Variants in ENOSF1 observed in about 807,000 individuals in gnomAD.
The protein encoded by ENOSF1 is enolase superfamily member 1.
In ENOSF1, 73 loss-of-function variants were observed where a neutral mutation model predicts 68.2. The ratio of observed to expected loss-of-function variants is 1.07; its 90% CI spans 0.89 to 1.30. The LOEUF (loss-of-function observed/expected upper bound fraction) is 1.30, where lower values mean the gene tolerates loss of function less well. Ranked by LOEUF, ENOSF1 falls within the 50% of genes most tolerant of loss-of-function variation. The pLI, the probability that ENOSF1 is intolerant of heterozygous loss-of-function variation, is 0.00. For missense variants in ENOSF1, 589 were observed against 554.5 expected (o/e 1.06, Z -0.62); for synonymous variants, 223 against 210.4 (o/e 1.06, Z -0.52).
At chr18:697,409 T>A in intron 2 of ENOSF1, 54 bp from the exon 3 acceptor site, 1 of 1,285,014 alleles carries the variant, frequency 7.8e-7, no homozygotes, top group Non-Finnish European at 1.1e-6. Flanking sequence ...GTCAAGAAAT[T>A]AGCACCTGAA....
chr18:665,074 A>C, the ENOSF1 span, among the ~76,000 whole-genome samples: 2 of 152,008 alleles, frequency 1.3e-5, no homozygotes, highest in African/African-American at 4.8e-5. Context: ...TATTGATTGG[A>C]ATAGTTTCAG....
Position 671,443 on chromosome 18 carries a change from A to C in ENOSF1, c.*2862T>G, listed in dbSNP as rs2075045758. The C allele has an allele frequency of 6.2e-7, 1 of 1,608,426 alleles. No individual in the cohort carries two copies. The highest frequency in any genetic ancestry group is 2.2e-5 in the East Asian group (1 of 44,866). ...TTACCTGAATCACATCGAGCCACTG[A>C]AAATTCAGGTAAGAATTAGATGTTA... is the stretch of plus-strand genomic sequence containing the variant. On this transcript the variant is annotated 3_prime_UTR_variant, in exon 16 of 16. Coordinates refer to ENST00000647584, the MANE Select transcript of ENOSF1 (RefSeq NM_017512.7).
intron 1 of ENOSF1, among the ~76,000 whole-genome samples, chr18:708,027 T>C (rs1171823378): frequency 6.6e-6 from 1 of 151,118 alleles, no homozygotes; most frequent in Non-Finnish European, 1.5e-5. Context: ...GACCAGCTTT[T>C]TTTTTTTTTT....
downstream of ENOSF1, among the ~76,000 whole-genome samples, chr18:667,552 GAGA>G (rs2074878533): frequency 1.1e-5 from 1 of 91,008 alleles, no homozygotes; most frequent in Non-Finnish European, 2.0e-5. Context: ...GATGGTGATG[GAGA>G]TGGTGATGGT....
At chr18:693,111 G>A in intron 5 of ENOSF1, 2 of 1,288,912 alleles carry the variant, frequency 1.6e-6, no homozygotes, top group South Asian at 1.2e-5. Context: ...CTCTGCATGG[G>A]GTCTGAAGCT....
At chr18:680,219 G>A (rs189644677) in intron 11 of ENOSF1, among the ~76,000 whole-genome samples, 29 of 152,288 alleles carry the variant, frequency 1.9e-4, no homozygotes, top group Non-Finnish European at 2.2e-4. Flanking sequence ...GGCAAGCCCC[G>A]CCTGTGCCAC....
At chr18:665,137 C>A in the ENOSF1 span, among the ~76,000 whole-genome samples, 1 of 146,654 alleles carries the variant, frequency 6.8e-6, no homozygotes, top group Non-Finnish European at 1.5e-5. Context: ...GGCTGTGAAT[C>A]CATCTGGTCC....
intron 3 of ENOSF1, among the ~76,000 whole-genome samples, chr18:696,451 T>A (rs555565131): frequency 1.3e-5 from 2 of 152,074 alleles, no homozygotes; most frequent in African/African-American, 2.4e-5. Flanking sequence ...GACCTCGTGA[T>A]CTGCCTGCCT....
At chr18:678,405 C>T in intron 12 of ENOSF1, 2 of 468,130 alleles carry the variant, frequency 4.3e-6, no homozygotes. Flanking sequence ...TTTCTTAAGA[C>T]CATTTTCTGC....
chr18:675,090 A>C, intron 15 of ENOSF1, among the ~76,000 whole-genome samples: 1 of 152,202 alleles, frequency 6.6e-6, no homozygotes, highest in East Asian at 1.9e-4. Context: ...TAAGATCTCC[A>C]CTAGTGAGGA....
chr18:705,612 T>C (rs1049858423), intron 2 of ENOSF1, among the ~76,000 whole-genome samples: 6 of 152,136 alleles, frequency 3.9e-5, no homozygotes, highest in Non-Finnish European at 8.8e-5. Context: ...TCAGTATGCA[T>C]CTTAAAGAAT....
chr18:674,059 A>G lies in ENOSF1; in HGVS notation c.*246T>C. ...CAGCCCTTGATATAGCTATTTTTGTAAGAACATCCTCCTGGACTTTGGGTT... is the reference window on the plus strand; with the variant it reads ...CAGCCCTTGATATAGCTATTTTTGTGAGAACATCCTCCTGGACTTTGGGTT... On this transcript the variant is annotated 3_prime_UTR_variant, in exon 16 of 16. Coordinates refer to ENST00000647584, the MANE Select transcript of ENOSF1 (RefSeq NM_017512.7). 3.0e-6 allele frequency: 1 copy of G among 338,740 alleles called. No individual in the cohort carries two copies. The highest frequency in any genetic ancestry group is 5.8e-5 in the South Asian group (1 of 17,284). 21.0% of individuals were successfully genotyped at this position (338,740 alleles called of 1,614,324 possible). A position where few individuals can be genotyped will look rare whatever the true frequency, so the allele number is the denominator to read the frequency against.
At chr18:708,966 T>C (rs1385581245) in intron 1 of ENOSF1, among the ~76,000 whole-genome samples, 3 of 152,116 alleles carry the variant, frequency 2.0e-5, no homozygotes, top group Non-Finnish European at 4.4e-5. Context: ...AACCTTGCAC[T>C]GAAGCCTCAG....
rs776122621 is a variant in ENOSF1, at chr18:691,238, G to A, written c.462C>T (p.Tyr154=). ...CCTCCTCAGTCAGGACATCAGTGATGTACCTGAAATCTATGCAGGATACCA... is the reference window on the plus strand; with the variant it reads ...CCTCCTCAGTCAGGACATCAGTGATATACCTGAAATCTATGCAGGATACCA... ...RMLVSCIDFR[Y]ITDVLTEEDA... is the part of the protein sequence containing the mutation. Residue 154 remains tyrosine, a synonymous_variant, in exon 6 of 16, where the codon TAC becomes TAT. Transcript: ENST00000647584. 4.8e-5 allele frequency: 78 copies of A among 1,614,094 alleles called. No individual in the cohort carries two copies. The highest frequency in any genetic ancestry group is 5.2e-5 in the Non-Finnish European group (61 of 1,180,040).
Position 678,586 on chromosome 18 carries a change from C to T in ENOSF1, c.918+110G>A, listed in dbSNP as rs746741472. Reference sequence around the variant, plus strand: ...TTCTAAGATGATGAAAATTTCCCAACTCAAAGTACAGCAGGTGATGGAGCC... The same window carrying T: ...TTCTAAGATGATGAAAATTTCCCAATTCAAAGTACAGCAGGTGATGGAGCC... On this transcript the variant is annotated intron_variant, in intron 12 of 15. Transcript: ENST00000647584. The T allele has an allele frequency of 1.7e-5, 19 of 1,086,826 alleles. No homozygotes were observed. The Middle Eastern group carries it at 1.5e-3, about 85-fold the overall frequency. 67.3% of individuals were successfully genotyped at this position (1,086,826 alleles called of 1,614,324 possible).
At chr18:692,609 AAG>A in intron 5 of ENOSF1, 11 of 727,362 alleles carry the variant, frequency 1.5e-5, no homozygotes, top group Non-Finnish European at 1.7e-5. Context: ...AAAAAAAAAA[AAG>A]AAAGAAAGAA....
At chr18:664,755 T>C in the ENOSF1 span, among the ~76,000 whole-genome samples, 1 of 150,546 alleles carries the variant, frequency 6.6e-6, no homozygotes, top group East Asian at 1.9e-4. Context: ...CAAAGGCCTT[T>C]TCTGCATCTA....
At chr18:710,504 G>A (rs545426843) in intron 1 of ENOSF1, among the ~76,000 whole-genome samples, 9 of 152,150 alleles carry the variant, frequency 5.9e-5, no homozygotes, top group African/African-American at 2.2e-4. Flanking sequence ...AGTAATTACA[G>A]CCACCCCTCC....
Position 706,504 on chromosome 18 carries a change from T to C in ENOSF1, c.159A>G (p.Gly53=), listed in dbSNP as rs149538192. Residue 53 remains glycine, a synonymous_variant, in exon 2 of 16, where the codon GGA becomes GGG. Transcript: ENST00000647584. The stretch of plus-strand genomic sequence containing the variant: ...TGCCTTTTCCCAGAGTGAAGGTAAT[T>C]CCACACCCCTTGATTCCATCTTCTG... ...TDAEDGIKGC[G]ITFTLGKGTE... The C allele has an allele frequency of 3.5e-3, 5,709 of 1,613,760 alleles. 16 individuals are homozygous for C. The highest frequency in any genetic ancestry group is 4.5e-3 in the Non-Finnish European group (5,268 of 1,179,790).
Sources: gnomAD v4.1 joint callset for allele counts (sites outside exome capture counted in the v4.1 genomes callset) on GRCh38, gnomAD v4.1.1 for gene constraint, MANE v1.5 for transcripts, NCBI Gene and HGNC (gene_info 2026-07-23, HGNC 2026-07-21) for gene names.